The following ANKRD31 variants were observed in gnomAD, a reference collection of about 807,000 sequenced individuals.
ANKRD31 encodes the protein ankyrin repeat domain-containing protein 31.
Under a neutral mutation model 186.0 loss-of-function variants are expected in ANKRD31, and 147 were observed. The ratio of observed to expected loss-of-function variants is 0.79; its 90% confidence interval spans 0.69 to 0.91. The LOEUF is 0.91. Among genes scored for constraint, ANKRD31 ranks in the 40% least tolerant of loss-of-function variants. The pLI is 0.00. For missense variants in ANKRD31, 1,986 were observed against 2,148.8 expected (o/e 0.92, Z 1.50); for synonymous variants, 673 against 736.4 (o/e 0.91, Z 1.39).
In ANKRD31 at chr5:75,210,855, T is replaced by C; in HGVS notation, c.299A>G (p.Glu100Gly). ...SEDTILQSQD[E>G]TERNQALLQT... is the part of the protein sequence containing the mutation. ...TAACAGAGCTTGATTTCGTTCTGTT[T>C]CATCTTGAGACTGCTAGGAAAAAAA... Residue 100 changes from glutamate to glycine, a missense_variant, in exon 4 of 26, where the codon GAA becomes GGA. Coordinates refer to ENST00000506364, the MANE Select transcript of ANKRD31 (RefSeq NM_001372053.1). 6.6e-7 allele frequency: 1 copy of C among 1,515,488 alleles called. No homozygotes were observed. Among genetic ancestry groups the C allele is most frequent in the Non-Finnish European group, 8.8e-7 (1 of 1,139,856 alleles). The allele number at this position is 1,515,488 out of a possible 1,614,324, so 93.9% of individuals were successfully genotyped here.
intron 11 of ANKRD31, among the ~76,000 whole-genome samples, chr5:75,164,905 T>C (rs76184629): frequency 0.035 from 5,285 of 152,332 alleles, 198 homozygotes; most frequent in African/African-American, 0.089. Flanking sequence ...GTATCTACCA[T>C]TGCTTTCAAT....
intron 3 of ANKRD31, among the ~76,000 whole-genome samples, chr5:75,220,072 G>A (rs1418401996): frequency 2.0e-5 from 3 of 152,008 alleles, no homozygotes; most frequent in African/African-American, 7.3e-5. Flanking sequence ...TTTTGGACAT[G>A]GAAACTGGCA....
At chr5:75,126,049 T>C (rs1749228387) in intron 17 of ANKRD31, among the ~76,000 whole-genome samples, 1 of 152,218 alleles carries the variant, frequency 6.6e-6, no homozygotes, top group South Asian at 2.1e-4. Context: ...CTCTATTGCT[T>C]TACATTTTGC....
rs754884598 is a variant in ANKRD31 at position 75,193,532 on chromosome 5, AGAAGT to A, written c.1072_1076del (p.Thr358LeufsTer2). 3.3e-5 allele frequency: 50 copies of A among 1,536,958 alleles called. No individual in the cohort carries two copies. In the South Asian group the frequency reaches 5.7e-4, roughly 18 times the overall value. On this transcript the variant is annotated frameshift_variant, in exon 8 of 26. Coordinates refer to ENST00000506364, the MANE Select transcript of ANKRD31 (RefSeq NM_001372053.1). LOFTEE classifies it high-confidence loss of function. ...TTCTCTTATTACTTAGTGGCTCACA[AGAAGT>A]GATATTTTGATGAGCCAAAGTTTGC... is the stretch of plus-strand genomic sequence containing the variant.
At chr5:75,082,100 A>G (rs1158643028) in intron 24 of ANKRD31, among the ~76,000 whole-genome samples, 1 of 152,198 alleles carries the variant, frequency 6.6e-6, no homozygotes, top group Non-Finnish European at 1.5e-5. Flanking sequence ...AGTTATTAAT[A>G]TTACCAGTTA....
At chr5:75,161,710 G>A (rs896486591) in intron 11 of ANKRD31, among the ~76,000 whole-genome samples, 1 of 152,252 alleles carries the variant, frequency 6.6e-6, no homozygotes. Flanking sequence ...CATGGGCCCG[G>A]GCCAGGGCCA....
chr5:75,095,607 C>T (rs942503543), intron 22 of ANKRD31, among the ~76,000 whole-genome samples: 1 of 152,198 alleles, frequency 6.6e-6, no homozygotes, highest in Non-Finnish European at 1.5e-5. Context: ...CAAGAGTAAT[C>T]ACACTGCATA....
chr5:75,196,448 G>A (rs142197832), intron 6 of ANKRD31, among the ~76,000 whole-genome samples: 614 of 152,134 alleles, frequency 4.0e-3, no homozygotes, highest in African/African-American at 0.014. Flanking sequence ...CCATAATTAC[G>A]GATGGCAAAT....
At chr5:75,227,133 C>A (rs2150316044) in intron 2 of ANKRD31, among the ~76,000 whole-genome samples, 1 of 152,254 alleles carries the variant, frequency 6.6e-6, no homozygotes, top group Admixed American at 6.5e-5. Flanking sequence ...TCATTTGCAA[C>A]ATGGATGGAA....
At chr5:75,150,753 T>C (rs2150152844) in intron 12 of ANKRD31, among the ~76,000 whole-genome samples, 1 of 152,152 alleles carries the variant, frequency 6.6e-6, no homozygotes, top group Middle Eastern at 3.4e-3. Context: ...ACAATGCATG[T>C]TGTAATTATT....
intron 2 of ANKRD31, among the ~76,000 whole-genome samples, chr5:75,228,339 T>C (rs1297459811): frequency 2.6e-5 from 4 of 152,222 alleles, no homozygotes; most frequent in Non-Finnish European, 5.9e-5. Flanking sequence ...ATGTTTTTCA[T>C]TTATCGTTGC....
chr5:75,185,427 G>A (rs1477604627), intron 10 of ANKRD31, among the ~76,000 whole-genome samples: 4 of 152,046 alleles, frequency 2.6e-5, no homozygotes, highest in Non-Finnish European at 4.4e-5. Context: ...GCATGGTGGC[G>A]GGCGCCTGTA....
intron 15 of ANKRD31, among the ~76,000 whole-genome samples, chr5:75,143,716 C>G (rs1751223229): frequency 6.6e-6 from 1 of 152,106 alleles, no homozygotes; most frequent in Non-Finnish European, 1.5e-5. Flanking sequence ...ACATTTCACG[C>G]CTGCTGTCCC....
Position 75,118,157 on chromosome 5 carries a change from A to G in ANKRD31, c.4017T>C (p.Asp1339=). ...SYGAIETVNR[D]ESDAIVNEKI... is the part of the protein sequence containing the mutation. The stretch of plus-strand genomic sequence containing the variant: ...TACCATTGACTATAGCATCACTCTC[A>G]TCTCTATTAACAGTCTCAATAGCAC... The change falls in exon 18 of 26, where the codon GAT becomes GAC. Residue 1339 remains aspartate (D), a synonymous_variant. Coordinates refer to ENST00000506364, the MANE Select transcript of ANKRD31 (RefSeq NM_001372053.1). 1 of 1,493,982 alleles carries G rather than the reference A, an allele frequency of 6.7e-7. No individual in the cohort carries two copies. The highest frequency in any genetic ancestry group is 8.8e-7 in the Non-Finnish European group (1 of 1,132,840). The allele number at this position is 1,493,982 out of a possible 1,614,324, so 92.5% of individuals were successfully genotyped here. A position where few individuals can be genotyped will look rare whatever the true frequency, so the allele number is the denominator to read the frequency against.
At chr5:75,179,818 G>C (rs1449034412) in intron 10 of ANKRD31, among the ~76,000 whole-genome samples, 1 of 152,052 alleles carries the variant, frequency 6.6e-6, no homozygotes, top group Non-Finnish European at 1.5e-5. Context: ...CTTGAAAATG[G>C]GCACAAGACA....
In ANKRD31 at chr5:75,207,675, A is replaced by T. The variant is rs1458779544; in HGVS notation, c.327-1188T>A. Among the ~76,000 whole-genome samples the T allele has an allele frequency of 5.9e-5, 9 of 152,286 alleles. No homozygotes were observed. In the East Asian group the frequency reaches 1.7e-3, roughly 29 times the overall value. On this transcript the variant is annotated intron_variant, in intron 4 of 25. Coordinates refer to ENST00000506364, the MANE Select transcript of ANKRD31 (RefSeq NM_001372053.1). ...AGGATACAAAACTATCTGCAAGATGATCCCAATTTTGTAGAAAGTATGAAC... is the reference window on the plus strand; with the variant it reads ...AGGATACAAAACTATCTGCAAGATGTTCCCAATTTTGTAGAAAGTATGAAC...
chr5:75,115,476 A>G (rs1748147447), intron 19 of ANKRD31, among the ~76,000 whole-genome samples: 1 of 151,608 alleles, frequency 6.6e-6, no homozygotes, highest in Non-Finnish European at 1.5e-5. Context: ...CAGGCAACCT[A>G]CAAAATGGGA....
chr5:75,212,536 G>A (rs1308262434), intron 3 of ANKRD31, among the ~76,000 whole-genome samples: 1 of 152,194 alleles, frequency 6.6e-6, no homozygotes, highest in Non-Finnish European at 1.5e-5. Flanking sequence ...GGAGGCTGAG[G>A]TGGGAGGATC....
At chr5:75,127,458 C>T (rs972109679) in intron 17 of ANKRD31, among the ~76,000 whole-genome samples, 2 of 152,018 alleles carry the variant, frequency 1.3e-5, no homozygotes, top group East Asian at 3.9e-4. Context: ...AATATCTAGC[C>T]CCAAATGTCA....
Sources: allele counts gnomAD v4.1 joint callset (sites outside exome capture counted in the v4.1 genomes callset), GRCh38; gene constraint gnomAD v4.1.1; transcripts MANE v1.5; gene names NCBI Gene and HGNC (gene_info 2026-07-23, HGNC 2026-07-21).